Variants in USP6NL observed in about 807,000 individuals in gnomAD.
The protein encoded by USP6NL is USP6 N-terminal like.
Under a neutral mutation model 61.9 loss-of-function variants are expected in USP6NL, and 26 were observed. That is an observed-to-expected ratio of 0.42 (90% CI 0.31 to 0.58). The LOEUF (loss-of-function observed/expected upper bound fraction) is 0.58, where lower values mean the gene tolerates loss of function less well. USP6NL is among the 20% of genes least tolerant of loss of function. The pLI is 0.16. For missense variants in USP6NL, 1,114 were observed against 1,034.3 expected, an observed-to-expected ratio of 1.08 and a Z score of -1.06; for synonymous variants, 432 against 390.1, an observed-to-expected ratio of 1.11 and a Z score of -1.27.
chr10:11,463,662 G>T lies in USP6NL; in HGVS notation c.1266C>A (p.Thr422=), dbSNP rs775674398. 3 of 1,613,858 alleles carry T rather than the reference G, an allele frequency of 1.9e-6. No homozygotes were observed. In the South Asian group the frequency reaches 3.3e-5, roughly 18 times the overall value. Reference sequence around the variant, plus strand: ...GCGGCTGTGCTCTCTCGGGCGTCCCGGTCCTGCTCTGGGGGTGCGGGGAGT... The same window carrying T: ...GCGGCTGTGCTCTCTCGGGCGTCCCTGTCCTGCTCTGGGGGTGCGGGGAGT... ...HEHSPHPQSR[T]GTPERAQPPR... The change falls in exon 15 of 15, where the codon ACC becomes ACA. Residue 422 remains threonine, a synonymous_variant. Transcript: ENST00000609104. The surrounding 1 kb of genome is among the most constrained non-coding windows in gnomAD (Gnocchi z 6.3).
chr10:11,559,878 T>G (rs1001094841), intron 2 of USP6NL, among the ~76,000 whole-genome samples: 2 of 152,176 alleles, frequency 1.3e-5, no homozygotes, highest in Non-Finnish European at 2.9e-5. Flanking sequence ...ATCTGCAAAA[T>G]TGGGATACCA....
At chr10:11,609,526 G>C (rs936405069) in intron 1 of USP6NL, among the ~76,000 whole-genome samples, 4 of 152,140 alleles carry the variant, frequency 2.6e-5, no homozygotes, top group Admixed American at 6.5e-5. Flanking sequence ...TCTCGTTCTC[G>C]CTACCTCAAG....
At position 11,475,336 on chromosome 10, in the gene USP6NL, G is replaced by A. The variant is rs193024577; in HGVS notation, c.1078+6434C>T. Among the ~76,000 whole-genome samples the A allele has an allele frequency of 4.1e-4, 62 of 151,134 alleles. No homozygotes were observed. The East Asian group carries it at 7.2e-3, about 18-fold the overall frequency. On this transcript the variant is annotated intron_variant, in intron 14 of 14. Coordinates refer to ENST00000609104, the MANE Select transcript of USP6NL (RefSeq NM_014688.5). Reference sequence around the variant, plus strand: ...AAAAAATGTAAAAGAGGCTGGGTGCGGTGGCTCACGCCTGTAATCCCAGCA... The same window carrying A: ...AAAAAATGTAAAAGAGGCTGGGTGCAGTGGCTCACGCCTGTAATCCCAGCA...
chr10:11,547,450 A>G (rs1836311348), intron 2 of USP6NL, among the ~76,000 whole-genome samples: 1 of 152,146 alleles, frequency 6.6e-6, no homozygotes, highest in Admixed American at 6.5e-5. Context: ...TCATTACACT[A>G]CAGCTGCCTG....
At chr10:11,543,742 A>C (rs1272191262) in intron 2 of USP6NL, among the ~76,000 whole-genome samples, 1 of 150,216 alleles carries the variant, frequency 6.7e-6, no homozygotes, top group East Asian at 2.0e-4. Flanking sequence ...AAAAAGGGAA[A>C]GGGGCTACTG....
At chr10:11,549,412 C>T (rs574030222) in intron 2 of USP6NL, among the ~76,000 whole-genome samples, 1 of 152,180 alleles carries the variant, frequency 6.6e-6, no homozygotes, top group African/African-American at 2.4e-5. Flanking sequence ...TATCAGACTC[C>T]ACACTGTTCA....
chr10:11,547,655 C>T (rs1836322459), intron 2 of USP6NL, among the ~76,000 whole-genome samples: 1 of 152,070 alleles, frequency 6.6e-6, no homozygotes, highest in African/African-American at 2.4e-5. Flanking sequence ...ATTCTCCTGC[C>T]TCAGCCTCCC....
chr10:11,572,797 T>C (rs1213307710), intron 2 of USP6NL, among the ~76,000 whole-genome samples: 1 of 152,114 alleles, frequency 6.6e-6, no homozygotes, highest in African/African-American at 2.4e-5. Flanking sequence ...TTTTAAACCA[T>C]AATTTAGTGA....
chr10:11,585,087 A>G lies in USP6NL; in HGVS notation c.4+12544T>C, dbSNP rs991293708. 3.9e-5 allele frequency among the ~76,000 whole-genome samples: 6 copies of G among 152,226 alleles called. No individual in the cohort carries two copies. The highest frequency in any genetic ancestry group is 8.8e-5 in the Non-Finnish European group (6 of 68,050). ...TTCCATAATCATTTTGGGAGAAAAG[A>G]CTGTTTTAGAATGATATGATGCAAG... is the stretch of plus-strand genomic sequence containing the variant. On this transcript the variant is annotated intron_variant, in intron 2 of 14. Transcript: ENST00000609104. This position sits in a 1 kb window ranked among gnomAD's most constrained non-coding sequence, Gnocchi z 4.5.
In USP6NL at chr10:11,574,362, C is replaced by T. The variant is rs1837467990; in HGVS notation, c.4+23269G>A. 6.6e-6 allele frequency among the ~76,000 whole-genome samples: 1 copy of T among 152,148 alleles called. No individual in the cohort carries two copies. The highest frequency in any genetic ancestry group is 1.5e-5 in the Non-Finnish European group (1 of 68,024). On this transcript the variant is annotated intron_variant, in intron 2 of 14. Coordinates refer to ENST00000609104, the MANE Select transcript of USP6NL (RefSeq NM_014688.5). The surrounding 1 kb of genome is among the most constrained non-coding windows in gnomAD (Gnocchi z 4.3). ...GAATAGAAGTCTAAATTCACATGCA[C>T]ACTAGAAATTCCCATAGGAGTCTGT... is the stretch of plus-strand genomic sequence containing the variant.
chr10:11,486,610 T>G (rs1194785369), intron 10 of USP6NL, among the ~76,000 whole-genome samples: 2 of 152,218 alleles, frequency 1.3e-5, no homozygotes, highest in African/African-American at 4.8e-5. Flanking sequence ...GAAAGTCCAC[T>G]CAACAGACTT....
At chr10:11,606,691 A>C (rs1472530458) in intron 1 of USP6NL, among the ~76,000 whole-genome samples, 1 of 152,236 alleles carries the variant, frequency 6.6e-6, no homozygotes, top group South Asian at 2.1e-4. Context: ...ATCCCAAGCT[A>C]AAAAATGAAA....
intron 5 of USP6NL, 146 bp from the exon 6 acceptor site, chr10:11,509,821 A>G (rs1834621933): frequency 1.6e-6 from 1 of 643,106 alleles, no homozygotes; most frequent in East Asian, 2.8e-5. Flanking sequence ...AAGTTGGATA[A>G]TATCAGAACT....
In USP6NL at chr10:11,495,991, C is replaced by A. The variant is rs1030218285; in HGVS notation, c.385-2763G>T. On this transcript the variant is annotated intron_variant, in intron 7 of 14. Coordinates refer to ENST00000609104, the MANE Select transcript of USP6NL (RefSeq NM_014688.5). This position sits in a 1 kb window ranked among gnomAD's most constrained non-coding sequence, Gnocchi z 4.6. ...GTTTATTTTCTTATGCTGATCACAT[C>A]CCCCACAGAACGCTCTTCCAATCTC... Among the ~76,000 whole-genome samples the A allele has an allele frequency of 6.6e-6, 1 of 152,088 alleles. No homozygotes were observed. Among genetic ancestry groups the A allele is most frequent in the Non-Finnish European group, 1.5e-5 (1 of 68,022 alleles).
At chr10:11,581,777 G>A (rs1837781689) in intron 2 of USP6NL, among the ~76,000 whole-genome samples, 1 of 152,124 alleles carries the variant, frequency 6.6e-6, no homozygotes, top group African/African-American at 2.4e-5. Context: ...GTTTTTGTTT[G>A]TTTGCTTGTT....
Position 11,576,089 on chromosome 10 carries a change from G to GA in USP6NL, c.4+21541dup, listed in dbSNP as rs761383093. On this transcript the variant is annotated intron_variant, in intron 2 of 14. Transcript: ENST00000609104. The stretch of plus-strand genomic sequence containing the variant: ...TTCAACTCACTCTCTAACACTTCAG[G>GA]AAAAAAAAAAAAAGCAATAATATTA... Among the ~76,000 whole-genome samples the GA allele has an allele frequency of 5.4e-3, 710 of 130,440 alleles. 6 individuals carry two copies. In the Middle Eastern group the frequency reaches 0.069, roughly 13 times the overall value. The allele number at this position is 130,440 out of a possible 152,430, so 85.6% of individuals were successfully genotyped here.
rs992618327 is a variant in USP6NL at position 11,537,556 on chromosome 10, A to G, written c.5-9989T>C. ...ATTCAAAATATTTCTCGTATCACCA[A>G]TAGCATTATTACCATTATTTCCACT... On this transcript the variant is annotated intron_variant, in intron 2 of 14. Transcript: ENST00000609104. The surrounding 1 kb of genome is among the most constrained non-coding windows in gnomAD (Gnocchi z 5.1). Among the ~76,000 whole-genome samples the G allele has an allele frequency of 1.3e-5, 2 of 152,242 alleles. No individual in the cohort carries two copies. The highest frequency in any genetic ancestry group is 4.8e-5 in the African/African-American group (2 of 41,464).
Position 11,495,995 on chromosome 10 carries a change from C to A in USP6NL, c.385-2767G>T, listed in dbSNP as rs549076238. On this transcript the variant is annotated intron_variant, in intron 7 of 14. Coordinates refer to ENST00000609104, the MANE Select transcript of USP6NL (RefSeq NM_014688.5). The surrounding 1 kb of genome is among the most constrained non-coding windows in gnomAD (Gnocchi z 4.6). ...ATTTTCTTATGCTGATCACATCCCCCACAGAACGCTCTTCCAATCTCCTGT... is the reference window on the plus strand; with the variant it reads ...ATTTTCTTATGCTGATCACATCCCCAACAGAACGCTCTTCCAATCTCCTGT... 6.6e-6 allele frequency among the ~76,000 whole-genome samples: 1 copy of A among 152,246 alleles called. No homozygotes were observed. Among genetic ancestry groups the A allele is most frequent in the African/African-American group, 2.4e-5 (1 of 41,534 alleles).
chr10:11,606,830 C>G (rs547732526), intron 1 of USP6NL, among the ~76,000 whole-genome samples: 1 of 148,608 alleles, frequency 6.7e-6, no homozygotes, highest in Non-Finnish European at 1.5e-5. Context: ...TTTACTCTGT[C>G]GCCAGGCTGG....
Sources: allele counts gnomAD v4.1 joint callset (sites outside exome capture counted in the v4.1 genomes callset), GRCh38; gene constraint gnomAD v4.1.1; non-coding constraint Gnocchi (gnomAD v3.1); transcripts MANE v1.5; gene names NCBI Gene and HGNC (gene_info 2026-07-23, HGNC 2026-07-21).